Variants in UGT2A1 observed in about 807,000 individuals in gnomAD.
UGT2A1 encodes the protein UDP glucuronosyltransferase family 2 member A1 complex locus.
UGT2A1 carries 61 observed loss-of-function variants against 45.4 expected under a neutral mutation model. The ratio of observed to expected loss-of-function variants is 1.34; its 90% CI spans 1.09 to 1.66. The LOEUF is 1.66. Among genes scored for constraint, UGT2A1 ranks in the 40% most tolerant of loss-of-function variants. UGT2A1 has a pLI of 0.00. For synonymous variants in UGT2A1, 229 were observed against 196.2 expected (o/e 1.17, Z -1.40); for missense variants, 649 against 574.3 (o/e 1.13, Z -1.33).
rs1034764317 is a variant in UGT2A1, at chr4:69,647,687, T to A, written c.-43A>T. On this transcript the variant is annotated 5_prime_UTR_variant, in exon 2 of 7. Coordinates refer to ENST00000286604, the MANE Select transcript of UGT2A1 (RefSeq NM_001252275.3). ...AAGATTTGATGAGATGTGAAGCAAA[T>A]GTTTTTCTCTGCTTTTAAAGAAAAA... The A allele has an allele frequency of 3.0e-6, 4 of 1,322,916 alleles. No individual in the cohort carries two copies. The Admixed American group carries it at 8.3e-5, about 27-fold the overall frequency. The allele number at this position is 1,322,916 out of a possible 1,614,324, so 81.9% of individuals were successfully genotyped here.
intron 2 of UGT2A1, among the ~76,000 whole-genome samples, chr4:69,645,430 A>T (rs1722210902): frequency 6.6e-6 from 1 of 151,816 alleles, no homozygotes; most frequent in Non-Finnish European, 1.5e-5. Context: ...AGATAAATGA[A>T]GTTCAGGTGC....
chr4:69,603,786 C>A (rs1160287894), intron 3 of UGT2A1, among the ~76,000 whole-genome samples: 1 of 136,526 alleles, frequency 7.3e-6, no homozygotes, highest in African/African-American at 3.0e-5. Flanking sequence ...GCCTCAGTAG[C>A]CGATTCAATC....
At chr4:69,607,401 C>T (rs1719705116) in intron 3 of UGT2A1, among the ~76,000 whole-genome samples, 1 of 151,810 alleles carries the variant, frequency 6.6e-6, no homozygotes, top group Non-Finnish European at 1.5e-5. Context: ...TTCCTTACAC[C>T]TTATACAAAA....
chr4:69,612,451 C>T (rs6600794), intron 3 of UGT2A1, among the ~76,000 whole-genome samples: 59,924 of 151,668 alleles, frequency 0.4, 12,158 homozygotes, highest in African/African-American at 0.48. Flanking sequence ...AAGTAAAGAA[C>T]TAAGCCGAAA....
intron 2 of UGT2A1, among the ~76,000 whole-genome samples, chr4:69,637,320 A>G (rs1721766199): frequency 6.6e-6 from 1 of 152,144 alleles, no homozygotes; most frequent in Non-Finnish European, 1.5e-5. Flanking sequence ...CTCTAGACAA[A>G]TTCTAAGAAA....
At chr4:69,616,721 A>G (rs557029027) in intron 3 of UGT2A1, among the ~76,000 whole-genome samples, 1 of 152,010 alleles carries the variant, frequency 6.6e-6, no homozygotes, top group South Asian at 2.1e-4. Flanking sequence ...GGGAGATAAG[A>G]AATGGAAAAG....
At chr4:69,593,762 T>C (rs1718721774) in intron 6 of UGT2A1, among the ~76,000 whole-genome samples, 1 of 151,844 alleles carries the variant, frequency 6.6e-6, no homozygotes, top group Non-Finnish European at 1.5e-5. Flanking sequence ...AGGTATCGAA[T>C]GGTATATACT....
chr4:69,630,087 TAAGATTATATTAA>T (rs1303633775), intron 3 of UGT2A1, among the ~76,000 whole-genome samples: 1 of 152,052 alleles, frequency 6.6e-6, no homozygotes, highest in Non-Finnish European at 1.5e-5. Context: ...ATAGTGTAAT[TAAGATTATATTAA>T]AAGATTATAT....
At position 69,652,466 on chromosome 4, in the gene UGT2A1, T is replaced by C. The variant is rs142069223; in HGVS notation, c.-55+722A>G. Among the ~76,000 whole-genome samples the C allele has an allele frequency of 3.6e-3, 546 of 152,016 alleles. 2 individuals carry two copies. The highest frequency in any genetic ancestry group is 0.013 in the African/African-American group (520 of 41,472). ...ACCTGTCTAATTTTTGTATATTTAG[T>C]AGAGACGGGGTTTCACCTGGTCTTG... On this transcript the variant is annotated intron_variant, in intron 1 of 6. Transcript: ENST00000286604.
intron 4 of UGT2A1, among the ~76,000 whole-genome samples, chr4:69,596,772 T>G (rs555689851): frequency 6.6e-6 from 1 of 152,306 alleles, no homozygotes; most frequent in Non-Finnish European, 1.5e-5. Flanking sequence ...TCCACCTGCC[T>G]TGGTCTCCCA....
rs1028284292 is a variant in UGT2A1, at chr4:69,589,117, A to G, written c.*255T>C. 2.8e-5 allele frequency: 9 copies of G among 325,960 alleles called. No homozygotes were observed. Among genetic ancestry groups the G allele is most frequent in the Middle Eastern group, 9.5e-4 (1 of 1,058 alleles). 20.2% of individuals were successfully genotyped at this position (325,960 alleles called of 1,614,324 possible). A position where few individuals can be genotyped will look rare whatever the true frequency, so the allele number is the denominator to read the frequency against. On this transcript the variant is annotated 3_prime_UTR_variant, in exon 7 of 7. Transcript: ENST00000286604. Reference sequence around the variant, plus strand: ...AAATTAGGTAGTATCCTTGTGTCAGAAAAGTGACAGGAAGAGGGTATAGTC... The same window carrying G: ...AAATTAGGTAGTATCCTTGTGTCAGGAAAGTGACAGGAAGAGGGTATAGTC...
At chr4:69,629,235 A>G (rs1721253645) in intron 3 of UGT2A1, among the ~76,000 whole-genome samples, 1 of 152,044 alleles carries the variant, frequency 6.6e-6, no homozygotes, top group Admixed American at 6.6e-5. Flanking sequence ...TAATACAGTC[A>G]ATAAAAGTAG....
At chr4:69,612,414 G>A (rs1720118390) in intron 3 of UGT2A1, among the ~76,000 whole-genome samples, 1 of 151,866 alleles carries the variant, frequency 6.6e-6, no homozygotes, top group African/African-American at 2.4e-5. Flanking sequence ...AAATTTATAT[G>A]GAACCAAAAT....
chr4:69,610,073 G>T (rs979319063), intron 3 of UGT2A1, among the ~76,000 whole-genome samples: 14 of 152,094 alleles, frequency 9.2e-5, no homozygotes, highest in Non-Finnish European at 1.8e-4. Context: ...TCCATTGGAA[G>T]AATCATGTTT....
At chr4:69,616,838 T>C (rs923909221) in intron 3 of UGT2A1, among the ~76,000 whole-genome samples, 16 of 149,354 alleles carry the variant, frequency 1.1e-4, no homozygotes, top group Non-Finnish European at 7.5e-5. Flanking sequence ...CTTTTCTTTT[T>C]TTTTTTTTTT....
At chr4:69,632,885 C>CA (rs199639033) in intron 3 of UGT2A1, among the ~76,000 whole-genome samples, 4,446 of 87,486 alleles carry the variant, frequency 0.051, 213 homozygotes, top group East Asian at 0.3. Context: ...AAGACTCGGT[C>CA]AAAAAAAAAA....
chr4:69,650,645 A>G (rs922654790), intron 1 of UGT2A1, among the ~76,000 whole-genome samples: 9 of 152,134 alleles, frequency 5.9e-5, no homozygotes, highest in African/African-American at 1.2e-4. Context: ...CATATAAGAA[A>G]ACTATATATT....
chr4:69,600,155 C>G (rs182350259), intron 3 of UGT2A1, among the ~76,000 whole-genome samples: 1 of 152,294 alleles, frequency 6.6e-6, no homozygotes, highest in African/African-American at 2.4e-5. Context: ...TGGGGAGAAA[C>G]TGCCTCTGGG....
chr4:69,589,707 A>G (rs1718482257), intron 6 of UGT2A1, 56 bp from the exon 7 acceptor site: 2 of 1,559,174 alleles, frequency 1.3e-6, no homozygotes, highest in Non-Finnish European at 8.7e-7. Flanking sequence ...ATTTTCATTG[A>G]AGATAAATAT....
Sources: gnomAD v4.1 joint callset for allele counts (sites outside exome capture counted in the v4.1 genomes callset) on GRCh38, gnomAD v4.1.1 for gene constraint, MANE v1.5 for transcripts, NCBI Gene and HGNC (gene_info 2026-07-23, HGNC 2026-07-21) for gene names.